RASGRF1: variants seen among roughly 807,000 people sequenced by gnomAD.
The protein encoded by RASGRF1 is Ras protein specific guanine nucleotide releasing factor 1, also known as ras-specific guanine nucleotide-releasing factor 1.
Under a neutral mutation model 138.7 loss-of-function variants are expected in RASGRF1, and 40 were observed. The ratio of observed to expected loss-of-function variants is 0.29; its 90% CI spans 0.22 to 0.38. The LOEUF (loss-of-function observed/expected upper bound fraction) is 0.38. Ranked by LOEUF, RASGRF1 falls within the 10% of genes least tolerant of loss-of-function variation. The probability of loss-of-function intolerance (pLI) is 1.00; values close to 1 mark genes in which losing one functional copy is unlikely to be tolerated. For synonymous variants in RASGRF1, 614 were observed against 663.2 expected (o/e 0.93, Z 1.14); for missense variants, 1,108 against 1,650.4 (o/e 0.67, Z 5.69).
intron 5 of RASGRF1, among the ~76,000 whole-genome samples, chr15:79,043,906 C>G (rs1237862392): frequency 6.6e-6 from 1 of 152,234 alleles, no homozygotes; most frequent in Non-Finnish European, 1.5e-5. Context: ...CTTCTGAATT[C>G]TTAGTGTGAT....
intron 22 of RASGRF1, chr15:78,985,926 G>GAAAAAAAAAAA (rs10584043): frequency 1.2e-5 from 1 of 83,374 alleles, no homozygotes; most frequent in Non-Finnish European, 2.1e-5. Context: ...CTCCATCTCA[G>GAAAAAAAAAAA]AAAAAAAAAA....
chr15:79,035,094 A>C lies in RASGRF1; in HGVS notation c.958+37T>G, dbSNP rs749473627. ...CTTTTGGGGTGGCCCCTGGAGGGGG[A>C]CTTCTCTGGGGGCCGCAGTGAGGGC... is the stretch of plus-strand genomic sequence containing the variant. On this transcript the variant is annotated intron_variant, in intron 6 of 26. Transcript: ENST00000558480. 1.9e-6 allele frequency: 3 copies of C among 1,554,512 alleles called. No homozygotes were observed. In the Admixed American group the frequency reaches 5.4e-5, roughly 28 times the overall value.
chr15:78,964,864 C>T (rs1416373273), intron 26 of RASGRF1, among the ~76,000 whole-genome samples: 1 of 151,892 alleles, frequency 6.6e-6, no homozygotes, highest in Admixed American at 6.6e-5. Flanking sequence ...CATAGTTGTA[C>T]CTATGGAATG....
At chr15:79,067,379 A>G (rs947990812) in intron 1 of RASGRF1, among the ~76,000 whole-genome samples, 16 of 152,222 alleles carry the variant, frequency 1.1e-4, no homozygotes, top group African/African-American at 3.6e-4. Context: ...GACTAGAGAC[A>G]CAACTGCCCT....
chr15:79,008,182 T>C (rs987850991), intron 13 of RASGRF1, among the ~76,000 whole-genome samples: 5 of 152,262 alleles, frequency 3.3e-5, no homozygotes, highest in Non-Finnish European at 7.3e-5. Flanking sequence ...GGAGTGCAGA[T>C]AGTGCTCAGA....
intron 1 of RASGRF1, among the ~76,000 whole-genome samples, chr15:79,066,092 CT>C (rs928074568): frequency 6.6e-6 from 1 of 152,044 alleles, no homozygotes; most frequent in Non-Finnish European, 1.5e-5. Context: ...CCCTGCCCCC[CT>C]AGAGGAGGAA....
intron 1 of RASGRF1, among the ~76,000 whole-genome samples, chr15:79,088,107 G>A (rs2058005912): frequency 6.6e-6 from 1 of 152,146 alleles, no homozygotes; most frequent in Non-Finnish European, 1.5e-5. Flanking sequence ...TCAATGTAGG[G>A]TCTCATTTTC....
chr15:79,045,451 A>G (rs557302900), intron 5 of RASGRF1, among the ~76,000 whole-genome samples: 13 of 152,366 alleles, frequency 8.5e-5, no homozygotes, highest in Admixed American at 5.2e-4. Flanking sequence ...AAAAGCATTT[A>G]TTGAATGTCT....
chr15:79,031,321 G>C, intron 8 of RASGRF1, 79 bp downstream of exon 8: 1 of 1,107,506 alleles, frequency 9.0e-7, no homozygotes, highest in Non-Finnish European at 1.3e-6. Context: ...TTTGTCAGGG[G>C]TTCAGCGAAC....
chr15:78,971,856 C>T lies in RASGRF1; in HGVS notation c.3681+10G>A, dbSNP rs2055767434. ...AAGCATGCAAGTGACCAGGAAAAGG[C>T]ACAGCTTACCTTTGCTTGGTGCTCT... is the stretch of plus-strand genomic sequence containing the variant. On this transcript the variant is annotated intron_variant, in intron 26 of 26. Transcript: ENST00000558480. The T allele has an allele frequency of 3.8e-6, 6 of 1,566,704 alleles. No homozygotes were observed. Among genetic ancestry groups the T allele is most frequent in the Non-Finnish European group, 5.3e-6 (6 of 1,136,868 alleles).
intron 7 of RASGRF1, among the ~76,000 whole-genome samples, 200 bp from the exon 8 acceptor site, chr15:79,031,709 A>C (rs1365663127): frequency 1.6e-5 from 2 of 128,268 alleles, no homozygotes; most frequent in African/African-American, 3.1e-5. Flanking sequence ...AGAGAGAGAG[A>C]GCGCGTGAGC....
intron 6 of RASGRF1, among the ~76,000 whole-genome samples, chr15:79,033,127 C>T (rs1010828048): frequency 2.0e-5 from 3 of 152,236 alleles, no homozygotes; most frequent in Admixed American, 6.5e-5. Flanking sequence ...CTGTCTCAAG[C>T]TTCCTGGGTA....
intron 8 of RASGRF1, among the ~76,000 whole-genome samples, chr15:79,031,164 C>A (rs567260784): frequency 6.6e-6 from 1 of 152,322 alleles, no homozygotes; most frequent in East Asian, 1.9e-4. Flanking sequence ...CTCCCTCGGG[C>A]CCTATCTGTG....
intron 4 of RASGRF1, among the ~76,000 whole-genome samples, chr15:79,047,865 T>G (rs72732660): frequency 0.094 from 14,356 of 152,186 alleles, 967 homozygotes; most frequent in Non-Finnish European, 0.14. Context: ...ACAGTATTCT[T>G]CACTGAAAGG....
chr15:79,039,890 C>G (rs988169443), intron 5 of RASGRF1, among the ~76,000 whole-genome samples: 1 of 151,988 alleles, frequency 6.6e-6, no homozygotes, highest in Non-Finnish European at 1.5e-5. Flanking sequence ...CCACCTTAGC[C>G]TCCTGAGAAG....
intron 14 of RASGRF1, 56 bp from the exon 15 acceptor site, chr15:79,004,231 AGGCCT>A: frequency 6.7e-7 from 1 of 1,503,366 alleles, no homozygotes; most frequent in Non-Finnish European, 8.8e-7. Context: ...CTGCCCGCCT[AGGCCT>A]GGGGGCCGTC....
At chr15:78,962,411 A>G (rs1056177398) in intron 26 of RASGRF1, among the ~76,000 whole-genome samples, 175 bp from the exon 27 acceptor site, 2 of 152,206 alleles carry the variant, frequency 1.3e-5, no homozygotes, top group Non-Finnish European at 2.9e-5. Flanking sequence ...TAAGCAGTCG[A>G]CGTAAGTATT....
chr15:79,030,074 C>G (rs1038979794), intron 8 of RASGRF1, among the ~76,000 whole-genome samples: 1 of 152,154 alleles, frequency 6.6e-6, no homozygotes. Context: ...ACTCTGCAAT[C>G]ACACCCTGAT....
intron 26 of RASGRF1, among the ~76,000 whole-genome samples, chr15:78,970,263 G>A (rs1210933548): frequency 6.6e-6 from 1 of 152,100 alleles, no homozygotes; most frequent in African/African-American, 2.4e-5. Flanking sequence ...GTTCATGCCT[G>A]TAATCTCAAC....
Sources: gnomAD v4.1 joint callset for allele counts (sites outside exome capture counted in the v4.1 genomes callset) on GRCh38, gnomAD v4.1.1 for gene constraint, MANE v1.5 for transcripts, NCBI Gene and HGNC (gene_info 2026-07-23, HGNC 2026-07-21) for gene names.